AHCYL2: variants seen among roughly 807,000 people sequenced by gnomAD.
AHCYL2 encodes the protein adenosylhomocysteinase like 2.
AHCYL2 carries 28 observed loss-of-function variants against 81.4 expected under a neutral mutation model. The ratio of observed to expected loss-of-function variants is 0.34; its 90% CI spans 0.25 to 0.47. The LOEUF (loss-of-function observed/expected upper bound fraction) is 0.47, where lower values mean the gene tolerates loss of function less well. Among genes scored for constraint, AHCYL2 ranks in the 20% least tolerant of loss-of-function variants. AHCYL2 has a pLI of 1.00. For missense variants in AHCYL2, 551 were observed against 785.1 expected (o/e 0.70, Z 3.56); for synonymous variants, 272 against 290.2 (o/e 0.94, Z 0.64).
At position 129,225,164 on chromosome 7, in the gene AHCYL2, C is replaced by T; in HGVS notation, c.88C>T (p.Gln30Ter). The T allele has an allele frequency of 1.9e-6, 3 of 1,596,346 alleles. No individual in the cohort carries two copies. The highest frequency in any genetic ancestry group is 2.6e-6 in the Non-Finnish European group (3 of 1,173,960). The change falls in exon 1 of 17, where the codon CAA becomes TAA. Residue 30 changes from glutamine to a stop codon, truncating the protein, a stop_gained. Coordinates refer to ENST00000325006, the MANE Select transcript of AHCYL2 (RefSeq NM_015328.4). LOFTEE classifies it high-confidence loss of function. ...KDLSPSEAES[Q>*]LGLSTAAVGA... is the part of the protein sequence containing the mutation. Reference sequence around the variant, plus strand: ...CCTGAGCCCCTCCGAGGCGGAGTCGCAACTAGGACTGAGCACGGCCGCCGT... The same window carrying T: ...CCTGAGCCCCTCCGAGGCGGAGTCGTAACTAGGACTGAGCACGGCCGCCGT...
At chr7:129,268,593 C>T (rs1795897533) in intron 1 of AHCYL2, among the ~76,000 whole-genome samples, 2 of 152,276 alleles carry the variant, frequency 1.3e-5, no homozygotes, top group South Asian at 4.2e-4. Flanking sequence ...ACCTTAGGAT[C>T]CACCCGCTTC....
intron 1 of AHCYL2, among the ~76,000 whole-genome samples, chr7:129,237,596 C>T (rs568559084): frequency 8.6e-5 from 13 of 151,714 alleles, no homozygotes; most frequent in Admixed American, 2.6e-4. Context: ...TATGTTTTGA[C>T]GGAAATTGGA....
intron 1 of AHCYL2, among the ~76,000 whole-genome samples, chr7:129,271,227 G>A (rs1195146934): frequency 1.3e-5 from 2 of 151,994 alleles, no homozygotes; most frequent in African/African-American, 4.8e-5. Flanking sequence ...TGGGCGTGGT[G>A]GCAGGCGCCT....
chr7:129,404,445 G>A (rs1796200343), intron 7 of AHCYL2, among the ~76,000 whole-genome samples: 1 of 152,030 alleles, frequency 6.6e-6, no homozygotes, highest in South Asian at 2.1e-4. Flanking sequence ...TCATCTTTTT[G>A]AATGTACAAA....
At position 129,276,432 on chromosome 7, in the gene AHCYL2, TA is replaced by T. The variant is rs35351067; in HGVS notation, c.363+51004del. Among the ~76,000 whole-genome samples the T allele has an allele frequency of 1.9e-3, 276 of 148,244 alleles. 2 individuals carry two copies. Among genetic ancestry groups the T allele is most frequent in the African/African-American group, 6.4e-3 (258 of 40,372 alleles). On this transcript the variant is annotated intron_variant, in intron 1 of 16. Coordinates refer to ENST00000325006, the MANE Select transcript of AHCYL2 (RefSeq NM_015328.4). ...AACCAAGGAAAGTAGAAGGGAAGAATAAAAAAAAAAACCAGAACTGAATGAA... is the reference window on the plus strand; with the variant it reads ...AACCAAGGAAAGTAGAAGGGAAGAATAAAAAAAAAACCAGAACTGAATGAA...
At chr7:129,381,163 G>A (rs1794936886) in intron 2 of AHCYL2, among the ~76,000 whole-genome samples, 1 of 152,142 alleles carries the variant, frequency 6.6e-6, no homozygotes, top group African/African-American at 2.4e-5. Flanking sequence ...ATTTCAAGCT[G>A]TGGGTTTGTG....
chr7:129,422,957 A>G lies in AHCYL2; in HGVS notation c.1560+19A>G. On this transcript the variant is annotated intron_variant, in intron 13 of 16. Transcript: ENST00000325006. ...GGCAGAGGTAAGGCTGAGACTGGCA[A>G]AAATACTCCCCCACAACAGGAGAGA... 1 of 1,610,184 alleles carries G rather than the reference A, an allele frequency of 6.2e-7. No individual in the cohort carries two copies. The highest frequency in any genetic ancestry group is 8.5e-7 in the Non-Finnish European group (1 of 1,176,846).
intron 1 of AHCYL2, among the ~76,000 whole-genome samples, chr7:129,319,485 T>C (rs1797939268): frequency 6.6e-6 from 1 of 151,938 alleles, no homozygotes; most frequent in Non-Finnish European, 1.5e-5. Flanking sequence ...AATCACTGTC[T>C]AACTCTTGAT....
rs769583889 is a variant in AHCYL2 at position 129,389,109 on chromosome 7, C to A, written c.529C>A (p.Gln177Lys). The stretch of plus-strand genomic sequence containing the variant: ...TGAGACATCGCCCAGGGACAAGCAG[C>A]AAAAGAACTCTAAGGGAAGCAGTGA... ...DDETSPRDKQ[Q>K]KNSKGSSDFC... Residue 177 changes from glutamine (Q) to lysine (K), a missense_variant, in exon 3 of 17, where the codon CAA (glutamine) becomes AAA (lysine). Coordinates refer to ENST00000325006, the MANE Select transcript of AHCYL2 (RefSeq NM_015328.4). 2 of 1,613,810 alleles carry A rather than the reference C, an allele frequency of 1.2e-6. No individual in the cohort carries two copies. The highest frequency in any genetic ancestry group is 2.2e-5 in the South Asian group (2 of 91,068).
chr7:129,405,199 A>T lies in AHCYL2; in HGVS notation c.1128A>T (p.Glu376Asp), dbSNP rs1796242935. Residue 376 changes from glutamate (E) to aspartate (D), a missense_variant, in exon 8 of 17, where the codon GAA becomes GAT. Coordinates refer to ENST00000325006, the MANE Select transcript of AHCYL2 (RefSeq NM_015328.4). ...TTGACAACCTCTACTGTTGCCGTGA[A>T]TCAATTCTTGATGGGTAATGTTTAT... ...QKFDNLYCCRESILDGLKRTT... is the reference protein window; with the variant it reads ...QKFDNLYCCRDSILDGLKRTT... 1.2e-6 allele frequency: 2 copies of T among 1,604,222 alleles called. No homozygotes were observed. Among genetic ancestry groups the T allele is most frequent in the South Asian group, 1.1e-5 (1 of 90,090 alleles).
intron 1 of AHCYL2, among the ~76,000 whole-genome samples, chr7:129,294,527 T>C (rs1472464788): frequency 2.0e-5 from 3 of 152,220 alleles, no homozygotes; most frequent in African/African-American, 7.2e-5. Flanking sequence ...GATACAGCAA[T>C]TGAAGCCAGT....
rs1797416933 is a variant in AHCYL2 at position 129,427,589 on chromosome 7, CT to C, written c.*547del. On this transcript the variant is annotated 3_prime_UTR_variant, in exon 17 of 17. Transcript: ENST00000325006. The surrounding 1 kb of genome is among the most constrained non-coding windows in gnomAD (Gnocchi z 5.5). ...AATAAGGAAGGAGTGTTATTTATGG[CT>C]TTGCCAAGCTACATCAAGAACTCAG... is the stretch of plus-strand genomic sequence containing the variant. 1 of 152,862 alleles carries C rather than the reference CT, an allele frequency of 6.5e-6. No homozygotes were observed. The highest frequency in any genetic ancestry group is 1.5e-5 in the Non-Finnish European group (1 of 68,244). 9.5% of individuals were successfully genotyped at this position (152,862 alleles called of 1,614,324 possible). A position where few individuals can be genotyped will look rare whatever the true frequency, so the allele number is the denominator to read the frequency against.
intron 1 of AHCYL2, among the ~76,000 whole-genome samples, chr7:129,326,305 T>A (rs374892685): frequency 1.3e-5 from 2 of 152,064 alleles, no homozygotes; most frequent in East Asian, 3.9e-4. Context: ...GGTGAGTGGA[T>A]CACCTGAGGT....
At position 129,426,159 on chromosome 7, in the gene AHCYL2, C is replaced by A. The variant is rs1797355697; in HGVS notation, c.1709-284C>A. Among the ~76,000 whole-genome samples, 1 of 152,206 alleles carries A rather than the reference C, an allele frequency of 6.6e-6. No individual in the cohort carries two copies. The highest frequency in any genetic ancestry group is 2.1e-4 in the South Asian group (1 of 4,830). ...CATTATCCTATTCCTTCTTTTAAAT[C>A]TTAATGCCTGTTGTTTCTTTCATCT... On this transcript the variant is annotated intron_variant, in intron 15 of 16. Coordinates refer to ENST00000325006, the MANE Select transcript of AHCYL2 (RefSeq NM_015328.4). The surrounding 1 kb of genome is among the most constrained non-coding windows in gnomAD (Gnocchi z 4.3).
At chr7:129,352,347 C>T (rs1027442383) in intron 1 of AHCYL2, among the ~76,000 whole-genome samples, 14 of 152,130 alleles carry the variant, frequency 9.2e-5, no homozygotes, top group African/African-American at 2.9e-4. Flanking sequence ...AACCCAAACC[C>T]GCCACCATGA....
chr7:129,274,224 A>ATTGTATGT (rs1302218302), intron 1 of AHCYL2, among the ~76,000 whole-genome samples: 6 of 152,092 alleles, frequency 3.9e-5, no homozygotes, highest in Admixed American at 1.3e-4. Context: ...CAGTCTCACT[A>ATTGTATGT]TTGTATGTTT....
intron 5 of AHCYL2, among the ~76,000 whole-genome samples, chr7:129,398,604 C>A (rs1304242597): frequency 6.7e-6 from 1 of 149,060 alleles, no homozygotes; most frequent in African/African-American, 2.5e-5. Flanking sequence ...GTCTCGAACT[C>A]CTGACCTCAG....
chr7:129,226,905 T>A (rs571966634), intron 1 of AHCYL2, among the ~76,000 whole-genome samples: 7 of 89,722 alleles, frequency 7.8e-5, no homozygotes, highest in African/African-American at 2.5e-4. Context: ...TACTTCTGAC[T>A]TGTTGAGATA....
chr7:129,286,561 A>G (rs777040332), intron 1 of AHCYL2, among the ~76,000 whole-genome samples: 5 of 152,142 alleles, frequency 3.3e-5, no homozygotes, highest in Non-Finnish European at 4.4e-5. Context: ...CCTGGGCTCA[A>G]GTGATCCTCC....
Sources: gnomAD v4.1 joint callset for allele counts (sites outside exome capture counted in the v4.1 genomes callset) on GRCh38, gnomAD v4.1.1 for gene constraint, Gnocchi (gnomAD v3.1) non-coding constraint, MANE v1.5 for transcripts, NCBI Gene and HGNC (gene_info 2026-07-23, HGNC 2026-07-21) for gene names.